Variants in FAM135A observed in about 807,000 individuals in gnomAD.
FAM135A encodes protein FAM135A.
A neutral mutation model predicts 146.8 loss-of-function variants in FAM135A; 79 were observed. The observed-to-expected ratio is 0.54, with a 90% CI of 0.45 to 0.65. The LOEUF (loss-of-function observed/expected upper bound fraction) is 0.65. Among genes scored for constraint, FAM135A ranks in the 30% least tolerant of loss-of-function variants. The probability of loss-of-function intolerance (pLI) is 0.00; values close to 1 mark genes in which losing one functional copy is unlikely to be tolerated. For missense variants in FAM135A, 1,623 were observed against 1,758.2 expected (o/e 0.92, Z 1.38); for synonymous variants, 562 against 603.6 (o/e 0.93, Z 1.01).
chr6:70,458,865 A>G (rs963660735), intron 5 of FAM135A, among the ~76,000 whole-genome samples: 2 of 152,168 alleles, frequency 1.3e-5, no homozygotes, highest in Non-Finnish European at 2.9e-5. Flanking sequence ...TCTGCCTTCT[A>G]TATCCTTCCC....
chr6:70,479,744 T>C (rs1783355661), intron 8 of FAM135A, among the ~76,000 whole-genome samples: 1 of 152,182 alleles, frequency 6.6e-6, no homozygotes, highest in African/African-American at 2.4e-5. Context: ...TAACATTATC[T>C]TTTAAATTTT....
intron 10 of FAM135A, among the ~76,000 whole-genome samples, chr6:70,488,111 A>G (rs772035896): frequency 1.3e-5 from 2 of 152,190 alleles, no homozygotes; most frequent in African/African-American, 4.8e-5. Flanking sequence ...CATACTAGGT[A>G]GTATGTAAAG....
At chr6:70,460,056 C>T (rs1779141676) in intron 5 of FAM135A, among the ~76,000 whole-genome samples, 2 of 152,082 alleles carry the variant, frequency 1.3e-5, no homozygotes, top group East Asian at 1.9e-4. Flanking sequence ...ATGAATTAGC[C>T]CAGAAAGACT....
At chr6:70,507,614 T>C (rs1790082058) in intron 12 of FAM135A, among the ~76,000 whole-genome samples, 1 of 152,182 alleles carries the variant, frequency 6.6e-6, no homozygotes, top group Non-Finnish European at 1.5e-5. Flanking sequence ...CTGGTTCAAC[T>C]ATATTATTTA....
chr6:70,454,823 GT>G (rs988931347), intron 5 of FAM135A, among the ~76,000 whole-genome samples: 4 of 152,100 alleles, frequency 2.6e-5, no homozygotes, highest in Admixed American at 2.0e-4. Context: ...TGCTGTGTTG[GT>G]TACTGTAGCC....
At chr6:70,433,140 T>A (rs1182920255) in intron 4 of FAM135A, among the ~76,000 whole-genome samples, 1 of 151,846 alleles carries the variant, frequency 6.6e-6, no homozygotes, top group Non-Finnish European at 1.5e-5. Flanking sequence ...GGTGGCTTGA[T>A]CTCGGCTCAC....
rs142500718 is a variant in FAM135A, at chr6:70,424,143, C to G, written c.-133-2296C>G. Reference sequence around the variant, plus strand: ...GCATTAAGATCCCTGTCTTTGCTGTCTGGGTGTTTCTTCCTTACATTAACC... The same window carrying G: ...GCATTAAGATCCCTGTCTTTGCTGTGTGGGTGTTTCTTCCTTACATTAACC... On this transcript the variant is annotated intron_variant, in intron 2 of 21. Transcript: ENST00000418814. 3.5e-3 allele frequency among the ~76,000 whole-genome samples: 538 copies of G among 152,298 alleles called. 5 individuals carry two copies. The highest frequency in any genetic ancestry group is 0.012 in the African/African-American group (517 of 41,568).
In FAM135A at chr6:70,413,719, C is replaced by T. The variant is rs1018848940; in HGVS notation, c.-220+17C>T. On this transcript the variant is annotated intron_variant, in intron 1 of 21. Coordinates refer to ENST00000418814, the MANE Select transcript of FAM135A (RefSeq NM_001162529.3). ...GGGCGAGAGGTAACCCCCTTACTGT[C>T]CCCTCTGGCTCCCCCGGCTCCCGAC... is the stretch of plus-strand genomic sequence containing the variant. 11 of 746,808 alleles carry T rather than the reference C, an allele frequency of 1.5e-5. No individual in the cohort carries two copies. The East Asian group carries it at 3.9e-4, about 26-fold the overall frequency. The allele number at this position is 746,808 out of a possible 1,614,324, so 46.3% of individuals were successfully genotyped here.
At chr6:70,495,277 ATGTT>A (rs1434631791) in intron 11 of FAM135A, among the ~76,000 whole-genome samples, 17 of 152,268 alleles carry the variant, frequency 1.1e-4, no homozygotes, top group African/African-American at 3.4e-4. Flanking sequence ...AAACATGTAA[ATGTT>A]TGTTGTGAAT....
At chr6:70,501,137 G>A (rs1788398116) in intron 11 of FAM135A, among the ~76,000 whole-genome samples, 1 of 152,184 alleles carries the variant, frequency 6.6e-6, no homozygotes, top group African/African-American at 2.4e-5. Flanking sequence ...CAGGGAGATG[G>A]GAGTTTATCT....
chr6:70,425,339 C>T (rs1230301470), intron 2 of FAM135A, among the ~76,000 whole-genome samples: 1 of 152,112 alleles, frequency 6.6e-6, no homozygotes, highest in Non-Finnish European at 1.5e-5. Context: ...ATAATCTAAA[C>T]CCTGCACACA....
chr6:70,519,366 G>A (rs767153859), intron 12 of FAM135A, among the ~76,000 whole-genome samples: 6 of 152,140 alleles, frequency 3.9e-5, no homozygotes, highest in Admixed American at 6.5e-5. Context: ...AAGATGCTGC[G>A]AACATTGTTG....
chr6:70,449,917 G>A (rs147370184), intron 4 of FAM135A, among the ~76,000 whole-genome samples: 13 of 152,134 alleles, frequency 8.5e-5, no homozygotes, highest in South Asian at 4.2e-4. Flanking sequence ...CATCCTCACC[G>A]ACACTATCTT....
At chr6:70,538,237 C>A in intron 19 of FAM135A, 54 bp from the exon 20 acceptor site, 1 of 1,015,568 alleles carries the variant, frequency 9.8e-7, no homozygotes, top group Non-Finnish European at 1.3e-6. Flanking sequence ...ATAATCTTGG[C>A]ATATGTTTTT....
rs146938843 is a variant in FAM135A, at chr6:70,452,858, A to G, written c.157+287A>G. Reference sequence around the variant, plus strand: ...ATCATATAAGATGCAATCTAAAAAGATACGCAGTAAATGGGAACATATAAT... The same window carrying G: ...ATCATATAAGATGCAATCTAAAAAGGTACGCAGTAAATGGGAACATATAAT... On this transcript the variant is annotated intron_variant, in intron 5 of 21. Coordinates refer to ENST00000418814, the MANE Select transcript of FAM135A (RefSeq NM_001162529.3). 1.3e-4 allele frequency among the ~76,000 whole-genome samples: 20 copies of G among 152,298 alleles called. No homozygotes were observed. In the East Asian group the frequency reaches 3.7e-3, roughly 28 times the overall value.
intron 5 of FAM135A, among the ~76,000 whole-genome samples, chr6:70,475,063 A>T (rs1286892616): frequency 6.6e-6 from 1 of 152,182 alleles, no homozygotes; most frequent in Non-Finnish European, 1.5e-5. Flanking sequence ...AGCAACCAGT[A>T]CAAAGGCCAA....
chr6:70,441,255 G>A (rs986770498), intron 4 of FAM135A, among the ~76,000 whole-genome samples: 12 of 152,044 alleles, frequency 7.9e-5, no homozygotes, highest in African/African-American at 2.7e-4. Flanking sequence ...TTAGCCGGTG[G>A]CACGCACCTA....
intron 12 of FAM135A, among the ~76,000 whole-genome samples, chr6:70,512,375 A>C (rs368146281): frequency 1.6e-4 from 25 of 151,840 alleles, no homozygotes; most frequent in African/African-American, 6.0e-4. Context: ...TATTGCTTAC[A>C]TACATAGGAG....
At chr6:70,442,355 A>G (rs1229266407) in intron 4 of FAM135A, among the ~76,000 whole-genome samples, 1 of 151,630 alleles carries the variant, frequency 6.6e-6, no homozygotes, top group Non-Finnish European at 1.5e-5. Flanking sequence ...GTAGATATAC[A>G]TTAAATTTAT....
Sources: allele counts gnomAD v4.1 joint callset (sites outside exome capture counted in the v4.1 genomes callset), GRCh38; gene constraint gnomAD v4.1.1; transcripts MANE v1.5; gene names NCBI Gene and HGNC (gene_info 2026-07-23, HGNC 2026-07-21).